Variants in MACROD1 observed in about 807,000 individuals in gnomAD.
MACROD1 encodes the protein ADP-ribose glycohydrolase MACROD1.
A neutral mutation model predicts 41.4 loss-of-function variants in MACROD1; 31 were observed. That is an observed-to-expected ratio of 0.75 (90% CI 0.56 to 1.01). MACROD1 has a LOEUF of 1.01. Ranked by LOEUF, MACROD1 falls within the 50% of genes least tolerant of loss-of-function variation. The pLI, the probability that MACROD1 is intolerant of heterozygous loss-of-function variation, is 0.00. For missense variants in MACROD1, 473 were observed against 460.0 expected (o/e 1.03, Z -0.26); for synonymous variants, 252 against 203.4 (o/e 1.24, Z -2.03).
At position 64,098,255 on chromosome 11, in the gene MACROD1, G is replaced by A. The variant is rs181756129; in HGVS notation, c.517+52984C>T. On this transcript the variant is annotated intron_variant, in intron 3 of 10. Coordinates refer to ENST00000255681, the MANE Select transcript of MACROD1 (RefSeq NM_014067.4). ...GGCCCCTCAGTGCAGCATTCAGAGC[G>A]CCCCTAAGGCCAGGCTCCGGGCCCT... is the stretch of plus-strand genomic sequence containing the variant. 1.5e-4 allele frequency among the ~76,000 whole-genome samples: 23 copies of A among 152,250 alleles called. No individual in the cohort carries two copies. In the East Asian group the frequency reaches 4.2e-3, roughly 28 times the overall value.
intron 3 of MACROD1, among the ~76,000 whole-genome samples, chr11:64,069,726 G>GCCCGGC (rs1396794094): frequency 1.3e-5 from 2 of 152,186 alleles, no homozygotes; most frequent in Non-Finnish European, 2.9e-5. Flanking sequence ...ACACCCCCGG[G>GCCCGGC]CCCGGCCCCG....
At chr11:64,050,177 C>A (rs1348383594) in intron 3 of MACROD1, among the ~76,000 whole-genome samples, 1 of 152,106 alleles carries the variant, frequency 6.6e-6, no homozygotes, top group Non-Finnish European at 1.5e-5. Flanking sequence ...ACCTCTCCCT[C>A]CACCCATCCC....
At chr11:64,026,533 TCTTAA>T (rs1328699458) in intron 3 of MACROD1, among the ~76,000 whole-genome samples, 1 of 152,228 alleles carries the variant, frequency 6.6e-6, no homozygotes, top group Non-Finnish European at 1.5e-5. Flanking sequence ...AGTGCGCATA[TCTTAA>T]CTTTACTAGT....
chr11:64,003,345 G>C (rs946292779), intron 4 of MACROD1, among the ~76,000 whole-genome samples: 1 of 152,178 alleles, frequency 6.6e-6, no homozygotes, highest in South Asian at 2.1e-4. Context: ...AGCCTCCCGA[G>C]TAGCTGAGCT....
At chr11:64,088,870 G>A (rs957301828) in intron 3 of MACROD1, among the ~76,000 whole-genome samples, 8 of 152,148 alleles carry the variant, frequency 5.3e-5, no homozygotes, top group African/African-American at 1.7e-4. Flanking sequence ...GATCGCAGGC[G>A]GAATCGGGTG....
At chr11:64,101,604 T>C (rs1944672159) in intron 3 of MACROD1, among the ~76,000 whole-genome samples, 1 of 152,120 alleles carries the variant, frequency 6.6e-6, no homozygotes, top group African/African-American at 2.4e-5. Flanking sequence ...ACTTTTTCCA[T>C]CTCTCGCTTT....
chr11:64,124,146 C>T (rs1945141197), intron 3 of MACROD1, among the ~76,000 whole-genome samples: 1 of 152,242 alleles, frequency 6.6e-6, no homozygotes, highest in Admixed American at 6.5e-5. Context: ...AATACCCATC[C>T]TCAGTGTCCA....
chr11:64,065,852 C>A (rs938883774), intron 3 of MACROD1, among the ~76,000 whole-genome samples: 14 of 150,984 alleles, frequency 9.3e-5, no homozygotes, highest in African/African-American at 3.4e-4. Flanking sequence ...CACAGGCAGG[C>A]AGGTGGGAGA....
At chr11:64,007,402 A>T (rs1942931286) in intron 4 of MACROD1, among the ~76,000 whole-genome samples, 1 of 152,210 alleles carries the variant, frequency 6.6e-6, no homozygotes, top group Non-Finnish European at 1.5e-5. Context: ...ATTGGAGCAG[A>T]GCCCTGAGTA....
At chr11:64,071,176 C>T (rs1161024638) in intron 3 of MACROD1, among the ~76,000 whole-genome samples, 3 of 152,074 alleles carry the variant, frequency 2.0e-5, no homozygotes. Flanking sequence ...TCCTCTAAGG[C>T]CCCTGGTTTC....
chr11:64,138,925 GC>G (rs1296025889), intron 3 of MACROD1, among the ~76,000 whole-genome samples: 1 of 152,132 alleles, frequency 6.6e-6, no homozygotes, highest in Non-Finnish European at 1.5e-5. Context: ...CTGCCATCAT[GC>G]CCAGCTAATT....
chr11:64,123,123 C>T (rs1479644722), intron 3 of MACROD1, among the ~76,000 whole-genome samples: 2 of 152,154 alleles, frequency 1.3e-5, no homozygotes, highest in African/African-American at 2.4e-5. Flanking sequence ...GCAGTGCTGG[C>T]AGGAGGGGCC....
chr11:64,119,975 A>G (rs1245562814), intron 3 of MACROD1, among the ~76,000 whole-genome samples: 2 of 152,158 alleles, frequency 1.3e-5, no homozygotes, highest in Non-Finnish European at 1.5e-5. Context: ...CGCCAAGGAA[A>G]AGGAACGTCA....
intron 3 of MACROD1, among the ~76,000 whole-genome samples, chr11:64,128,358 T>C (rs527678569): frequency 1.1e-4 from 17 of 152,284 alleles, no homozygotes; most frequent in African/African-American, 3.6e-4. Flanking sequence ...CCAGGAGATA[T>C]TGACTGAGGG....
At chr11:64,048,667 A>G (rs1228388458) in intron 3 of MACROD1, among the ~76,000 whole-genome samples, 7 of 147,496 alleles carry the variant, frequency 4.7e-5, no homozygotes. Context: ...TCCTTAAAGC[A>G]GCCCTACAAA....
chr11:64,094,204 G>A (rs1430839038), intron 3 of MACROD1, among the ~76,000 whole-genome samples: 5 of 152,326 alleles, frequency 3.3e-5, no homozygotes, highest in Non-Finnish European at 7.3e-5. Context: ...AGGCCAAAGC[G>A]GGTGGAGCAC....
At chr11:64,041,044 G>A (rs1943474674) in intron 3 of MACROD1, among the ~76,000 whole-genome samples, 2 of 151,732 alleles carry the variant, frequency 1.3e-5, no homozygotes, top group African/African-American at 4.9e-5. Context: ...ATTAAAACTG[G>A]GATTAAAACT....
chr11:64,004,230 T>C (rs1255342589), intron 4 of MACROD1, among the ~76,000 whole-genome samples: 2 of 152,098 alleles, frequency 1.3e-5, no homozygotes, highest in Non-Finnish European at 2.9e-5. Context: ...AGGGCTGGGC[T>C]GAGTGATTGC....
chr11:64,044,200 CATTT>C (rs765160731), intron 3 of MACROD1, among the ~76,000 whole-genome samples: 5 of 151,634 alleles, frequency 3.3e-5, no homozygotes, highest in Admixed American at 6.6e-5. Context: ...TAGTAGCTGA[CATTT>C]ATATCACACT....
Sources: allele counts gnomAD v4.1 joint callset (sites outside exome capture counted in the v4.1 genomes callset), GRCh38; gene constraint gnomAD v4.1.1; transcripts MANE v1.5; gene names NCBI Gene and HGNC (gene_info 2026-07-23, HGNC 2026-07-21).